The following GABRB2 variants were observed in gnomAD, a reference collection of about 807,000 sequenced individuals.
GABRB2 encodes gamma-aminobutyric acid type A receptor subunit beta2.
Under a neutral mutation model 54.7 loss-of-function variants are expected in GABRB2, and 16 were observed. The ratio of observed to expected loss-of-function variants is 0.29; its 90% CI spans 0.20 to 0.44. GABRB2 has a LOEUF of 0.44. GABRB2 is among the 20% of genes least tolerant of loss of function. GABRB2 has a pLI of 1.00. For synonymous variants in GABRB2, 244 were observed against 233.8 expected (o/e 1.04, Z -0.40); for missense variants, 355 against 644.0 (o/e 0.55, Z 4.86).
chr5:161,388,055 T>G (rs893891970), intron 5 of GABRB2, among the ~76,000 whole-genome samples: 5 of 152,164 alleles, frequency 3.3e-5, no homozygotes, highest in Non-Finnish European at 5.9e-5. Context: ...TAAGAACATG[T>G]ATCTTTCAAT....
intron 4 of GABRB2, among the ~76,000 whole-genome samples, chr5:161,412,447 C>T (rs890807161): frequency 1.3e-5 from 2 of 152,160 alleles, no homozygotes; most frequent in African/African-American, 2.4e-5. Flanking sequence ...TCCCCGATGC[C>T]TTACATCCAA....
chr5:161,527,978 C>A (rs998546651), intron 3 of GABRB2, among the ~76,000 whole-genome samples: 1 of 151,506 alleles, frequency 6.6e-6, no homozygotes, highest in Admixed American at 6.6e-5. Flanking sequence ...AATAATTTTA[C>A]AAATGCATCA....
At chr5:161,385,957 T>G (rs954589533) in intron 5 of GABRB2, among the ~76,000 whole-genome samples, 23 of 94,852 alleles carry the variant, frequency 2.4e-4, no homozygotes, top group African/African-American at 1.0e-3. Context: ...GGTGTGTGTG[T>G]GTGTGTGTGT....
rs544268716 is a variant in GABRB2 at position 161,530,880 on chromosome 5, G to T, written c.237+14347C>A. 5.3e-5 allele frequency among the ~76,000 whole-genome samples: 8 copies of T among 152,188 alleles called. No homozygotes were observed. The South Asian group carries it at 1.2e-3, about 24-fold the overall frequency. ...CATACACCAGATGCAAATGTGCACA[G>T]CCTCCCAGATCTGCCCTACCCACGT... On this transcript the variant is annotated intron_variant, in intron 3 of 9. Coordinates refer to ENST00000393959, the MANE Select transcript of GABRB2 (RefSeq NM_001371727.1).
chr5:161,516,651 T>TA (rs1016059338), intron 3 of GABRB2, among the ~76,000 whole-genome samples: 29 of 152,174 alleles, frequency 1.9e-4, no homozygotes, highest in Non-Finnish European at 3.5e-4. Flanking sequence ...GTAAAGATTT[T>TA]TTTTTATTGA....
At chr5:161,296,230 A>G (rs2113337429) in intron 9 of GABRB2, among the ~76,000 whole-genome samples, 1 of 152,286 alleles carries the variant, frequency 6.6e-6, no homozygotes. Context: ...TGGAAATGGG[A>G]CACCTATCCT....
intron 6 of GABRB2, among the ~76,000 whole-genome samples, chr5:161,336,220 T>C (rs1292220713): frequency 2.8e-4 from 42 of 152,124 alleles, no homozygotes; most frequent in Admixed American, 2.7e-3. Flanking sequence ...CCCATTGTCT[T>C]TGGAGAATTT....
intron 4 of GABRB2, among the ~76,000 whole-genome samples, chr5:161,429,612 G>C (rs1215121762): frequency 2.0e-5 from 3 of 152,102 alleles, no homozygotes; most frequent in African/African-American, 7.2e-5. Context: ...ATTTAAACCT[G>C]GTGAAGGATG....
At chr5:161,345,358 T>C (rs1467063132) in intron 5 of GABRB2, among the ~76,000 whole-genome samples, 11 of 152,098 alleles carry the variant, frequency 7.2e-5, no homozygotes, top group Non-Finnish European at 1.2e-4. Flanking sequence ...CCTTGATGGA[T>C]TTCCCAGTTG....
chr5:161,359,312 C>T (rs532289847), intron 5 of GABRB2, among the ~76,000 whole-genome samples: 1 of 152,228 alleles, frequency 6.6e-6, no homozygotes, highest in African/African-American at 2.4e-5. Context: ...GTAGAGTTGA[C>T]ATAGTTGTAA....
intron 5 of GABRB2, among the ~76,000 whole-genome samples, chr5:161,376,722 A>G (rs1755314897): frequency 6.6e-6 from 1 of 152,180 alleles, no homozygotes; most frequent in Non-Finnish European, 1.5e-5. Flanking sequence ...CTGAATGTTC[A>G]TAAAAAACAA....
intron 5 of GABRB2, among the ~76,000 whole-genome samples, chr5:161,350,961 T>G (rs1381096269): frequency 3.3e-5 from 5 of 152,076 alleles, no homozygotes; most frequent in African/African-American, 1.2e-4. Context: ...ACTGGCTTCC[T>G]GGCTTCTCAT....
At chr5:161,364,548 A>G (rs1375519290) in intron 5 of GABRB2, among the ~76,000 whole-genome samples, 1 of 152,180 alleles carries the variant, frequency 6.6e-6, no homozygotes, top group African/African-American at 2.4e-5. Context: ...GAAATGTTGG[A>G]TTTAAAGGGA....
Position 161,528,760 on chromosome 5 carries a change from A to G in GABRB2, c.237+16467T>C, listed in dbSNP as rs547156369. Among the ~76,000 whole-genome samples the G allele has an allele frequency of 2.6e-5, 4 of 151,984 alleles. No individual in the cohort carries two copies. The South Asian group carries it at 8.3e-4, about 32-fold the overall frequency. ...TACATCTAAAATGATTTTGTTATTA[A>G]TTTTTATTAATCCAGTTGAATATTT... On this transcript the variant is annotated intron_variant, in intron 3 of 9. Coordinates refer to ENST00000393959, the MANE Select transcript of GABRB2 (RefSeq NM_001371727.1).
intron 5 of GABRB2, among the ~76,000 whole-genome samples, chr5:161,378,770 A>G (rs1479055548): frequency 6.6e-6 from 1 of 152,218 alleles, no homozygotes; most frequent in African/African-American, 2.4e-5. Context: ...AAATGTCTCA[A>G]TAACACAATA....
At chr5:161,418,003 G>C (rs1164672525) in intron 4 of GABRB2, among the ~76,000 whole-genome samples, 1 of 152,156 alleles carries the variant, frequency 6.6e-6, no homozygotes, top group East Asian at 1.9e-4. Flanking sequence ...TTTCAGATTA[G>C]AGCTATTTGT....
intron 5 of GABRB2, among the ~76,000 whole-genome samples, chr5:161,364,676 C>T (rs984661895): frequency 1.3e-5 from 2 of 152,106 alleles, no homozygotes; most frequent in African/African-American, 4.8e-5. Context: ...ACTTTTGATA[C>T]TTCTTTCCCT....
At chr5:161,350,665 G>T (rs936324340) in intron 5 of GABRB2, among the ~76,000 whole-genome samples, 3 of 152,088 alleles carry the variant, frequency 2.0e-5, no homozygotes, top group African/African-American at 7.2e-5. Context: ...GAGTCAGTAG[G>T]CTGGGAGAAG....
At chr5:161,348,450 C>T (rs1754380397) in intron 5 of GABRB2, among the ~76,000 whole-genome samples, 1 of 151,928 alleles carries the variant, frequency 6.6e-6, no homozygotes, top group Admixed American at 6.6e-5. Flanking sequence ...TTTCGAAATA[C>T]CTTATTTCAT....
Sources: allele counts gnomAD v4.1 joint callset (sites outside exome capture counted in the v4.1 genomes callset), GRCh38; gene constraint gnomAD v4.1.1; transcripts MANE v1.5; gene names NCBI Gene and HGNC (gene_info 2026-07-23, HGNC 2026-07-21).